KLF17: variants seen among roughly 807,000 people sequenced by gnomAD.
The protein encoded by KLF17 is Krueppel-like factor 17.
Under a neutral mutation model 34.2 loss-of-function variants are expected in KLF17, and 31 were observed. The observed-to-expected ratio is 0.91, with a 90% CI of 0.68 to 1.22. The LOEUF (loss-of-function observed/expected upper bound fraction) is 1.22. Among genes scored for constraint, KLF17 ranks in the 50% most tolerant of loss-of-function variants. The pLI is 0.00. For synonymous variants in KLF17, 179 were observed against 186.7 expected (o/e 0.96, Z 0.34); for missense variants, 478 against 505.2 (o/e 0.95, Z 0.52).
chr1:44,113,441 A>G, the KLF17 span, among the ~76,000 whole-genome samples: 1 of 152,190 alleles, frequency 6.6e-6, no homozygotes, highest in Non-Finnish European at 1.5e-5. Flanking sequence ...GTTCTCTACT[A>G]AGTTCTCTGT....
the KLF17 span, among the ~76,000 whole-genome samples, chr1:44,054,015 A>G: frequency 6.6e-6 from 1 of 152,216 alleles, no homozygotes; most frequent in Non-Finnish European, 1.5e-5. Flanking sequence ...TTTGTTTAAC[A>G]TGAAAAAGTG....
the KLF17 span, among the ~76,000 whole-genome samples, chr1:44,102,349 C>T: frequency 2.6e-5 from 4 of 151,856 alleles, no homozygotes; most frequent in African/African-American, 9.7e-5. Context: ...GTCAGGAGTT[C>T]GAGACCAGCC....
chr1:44,058,040 C>G, the KLF17 span, among the ~76,000 whole-genome samples: 2 of 152,184 alleles, frequency 1.3e-5, no homozygotes, highest in African/African-American at 4.8e-5. Flanking sequence ...AGTGCCAATT[C>G]CTACTTAAAG....
chr1:44,046,365 A>G, the KLF17 span, among the ~76,000 whole-genome samples: 4 of 151,984 alleles, frequency 2.6e-5, no homozygotes, highest in Non-Finnish European at 4.4e-5. Flanking sequence ...CTACAGGTGC[A>G]TGCCACTACG....
chr1:44,109,469 G>A, the KLF17 span, among the ~76,000 whole-genome samples: 5 of 152,196 alleles, frequency 3.3e-5, no homozygotes, highest in Admixed American at 1.3e-4. Context: ...CCTTGGGCAA[G>A]TCAGACTGAT....
chr1:44,049,613 G>C, the KLF17 span, among the ~76,000 whole-genome samples: 3 of 152,176 alleles, frequency 2.0e-5, no homozygotes, highest in East Asian at 1.9e-4. Context: ...CTCCTGAATA[G>C]CTGGGACTAC....
the KLF17 span, among the ~76,000 whole-genome samples, chr1:44,055,639 C>T: frequency 1.1e-3 from 163 of 152,252 alleles, no homozygotes; most frequent in African/African-American, 3.8e-3. Flanking sequence ...AGGTAGACCC[C>T]TCTGTTTGGG....
the KLF17 span, chr1:44,105,241 A>C: frequency 6.6e-6 from 1 of 152,236 alleles, no homozygotes; most frequent in Non-Finnish European, 1.5e-5. Context: ...GGGGTGTGTG[A>C]CCTGAGGGAA....
At chr1:44,060,626 G>A in the KLF17 span, among the ~76,000 whole-genome samples, 3 of 152,196 alleles carry the variant, frequency 2.0e-5, no homozygotes, top group East Asian at 5.8e-4. Flanking sequence ...AATAGGACTA[G>A]CAGCACCCTA....
chr1:44,089,611 G>A, the KLF17 span, among the ~76,000 whole-genome samples: 1,711 of 152,254 alleles, frequency 0.011, 15 homozygotes, highest in Non-Finnish European at 0.015. Flanking sequence ...TGGGCAGTGC[G>A]TCTCTGTGTC....
At chr1:44,116,460 G>A (rs747478044), upstream of KLF17, among the ~76,000 whole-genome samples, 2 of 152,082 alleles carry the variant, frequency 1.3e-5, no homozygotes, top group Non-Finnish European at 2.9e-5. Flanking sequence ...CTCCTTTGGT[G>A]CATCCCCATC....
chr1:44,132,231 G>T (rs1328784434), intron 3 of KLF17, among the ~76,000 whole-genome samples: 1 of 152,136 alleles, frequency 6.6e-6, no homozygotes, highest in Non-Finnish European at 1.5e-5. Context: ...GCTTGAACCC[G>T]GGAGGTGGAG....
the KLF17 span, among the ~76,000 whole-genome samples, chr1:44,086,407 G>C: frequency 3.9e-5 from 6 of 152,112 alleles, no homozygotes; most frequent in African/African-American, 1.4e-4. Context: ...TAGAGGTTGC[G>C]GTGAGCTGAG....
chr1:44,089,132 C>CA, the KLF17 span, among the ~76,000 whole-genome samples: 1 of 152,074 alleles, frequency 6.6e-6, no homozygotes, highest in African/African-American at 2.4e-5. Flanking sequence ...GGCAATAAGG[C>CA]AGGGGTACAC....
At chr1:44,086,744 A>G in the KLF17 span, among the ~76,000 whole-genome samples, 1 of 152,164 alleles carries the variant, frequency 6.6e-6, no homozygotes, top group Non-Finnish European at 1.5e-5. Context: ...GGATTTGTGT[A>G]AGGATGCTGT....
the KLF17 span, among the ~76,000 whole-genome samples, chr1:44,089,568 G>C: frequency 6.6e-6 from 1 of 152,184 alleles, no homozygotes; most frequent in Non-Finnish European, 1.5e-5. Flanking sequence ...ACTCCCTGCA[G>C]CTGGGCAACA....
chr1:44,103,612 C>T, the KLF17 span: 4 of 1,608,132 alleles, frequency 2.5e-6, no homozygotes, highest in East Asian at 2.2e-5. Flanking sequence ...GTGGCGATCT[C>T]GATCTCGATG....
rs117679125 is a variant in KLF17, at chr1:44,119,776, C to T, written c.81+788C>T. Among the ~76,000 whole-genome samples the T allele has an allele frequency of 1.1e-3, 171 of 152,294 alleles. 1 individual carries two copies. The East Asian group carries it at 0.02, about 18-fold the overall frequency. ...TGATGGAAGGGTGGCCCCAGGGACACCATTGAGATCATTCAGGGCTTGTTT... is the reference window on the plus strand; with the variant it reads ...TGATGGAAGGGTGGCCCCAGGGACATCATTGAGATCATTCAGGGCTTGTTT... On this transcript the variant is annotated intron_variant, in intron 1 of 3. Coordinates refer to ENST00000372299, the MANE Select transcript of KLF17 (RefSeq NM_173484.4).
the KLF17 span, among the ~76,000 whole-genome samples, chr1:44,092,117 C>T: frequency 4.0e-5 from 6 of 150,898 alleles, no homozygotes; most frequent in South Asian, 4.2e-4. Context: ...CTGAGGTGGG[C>T]GGATCACCTG....
Sources: gnomAD v4.1 joint callset for allele counts (sites outside exome capture counted in the v4.1 genomes callset) on GRCh38, gnomAD v4.1.1 for gene constraint, MANE v1.5 for transcripts, NCBI Gene and HGNC (gene_info 2026-07-23, HGNC 2026-07-21) for gene names.